Variants in DKK4 observed in about 807,000 individuals in gnomAD.
The protein encoded by DKK4 is dickkopf Wnt signaling pathway inhibitor 4.
In DKK4, 15 loss-of-function variants were observed where a neutral mutation model predicts 14.5. That is an observed-to-expected ratio of 1.03 (90% CI 0.69 to 1.59). DKK4 has a LOEUF of 1.59. DKK4 is among the 40% of genes most tolerant of loss of function. The pLI is 0.00. For synonymous variants in DKK4, 89 were observed against 105.2 expected, an observed-to-expected ratio of 0.85 and a Z score of 0.94; for missense variants, 272 against 280.3, an observed-to-expected ratio of 0.97 and a Z score of 0.21.
chr8:42,383,949 G>T, the DKK4 span, among the ~76,000 whole-genome samples: 1 of 151,940 alleles, frequency 6.6e-6, no homozygotes, highest in Non-Finnish European at 1.5e-5. Flanking sequence ...TCTCAAAAAA[G>T]AAAAAACAAT....
chr8:42,383,302 C>T, the DKK4 span, among the ~76,000 whole-genome samples: 1 of 152,226 alleles, frequency 6.6e-6, no homozygotes, highest in Admixed American at 6.5e-5. Context: ...TGGCTGGTGC[C>T]AGCCACTTTT....
upstream of DKK4, among the ~76,000 whole-genome samples, chr8:42,381,620 T>A (rs1824681464): frequency 6.6e-6 from 1 of 152,196 alleles, no homozygotes; most frequent in South Asian, 2.1e-4. Context: ...CTCCCCTGTC[T>A]GCCCTGATCT....
At chr8:42,381,360 CA>C (rs1824676267), upstream of DKK4, among the ~76,000 whole-genome samples, 1 of 152,168 alleles carries the variant, frequency 6.6e-6, no homozygotes, top group African/African-American at 2.4e-5. Flanking sequence ...CAACTGTTTG[CA>C]GGATATCTAC....
At chr8:42,384,100 G>T in the DKK4 span, among the ~76,000 whole-genome samples, 1 of 152,124 alleles carries the variant, frequency 6.6e-6, no homozygotes, top group South Asian at 2.1e-4. Flanking sequence ...AAAACATGGT[G>T]GGGGGAGGTC....
the DKK4 span, among the ~76,000 whole-genome samples, chr8:42,385,285 G>A: frequency 6.6e-6 from 1 of 152,042 alleles, no homozygotes. Context: ...CCAGCTACTC[G>A]GGAGGCTGAG....
At chr8:42,382,156 C>A (rs1824691020), upstream of DKK4, among the ~76,000 whole-genome samples, 2 of 152,198 alleles carry the variant, frequency 1.3e-5, no homozygotes, top group Non-Finnish European at 2.9e-5. Flanking sequence ...CTCCCTTAAT[C>A]TGAGGCCTCA....
chr8:42,376,130 GGTGA>G, intron 1 of DKK4, among the ~76,000 whole-genome samples: 1 of 152,302 alleles, frequency 6.6e-6, no homozygotes, highest in Middle Eastern at 3.4e-3. Flanking sequence ...TGTCTTAACA[GGTGA>G]GTATGAGATT....
chr8:42,382,288 T>A, the DKK4 span, among the ~76,000 whole-genome samples: 1 of 152,198 alleles, frequency 6.6e-6, no homozygotes, highest in East Asian at 1.9e-4. Flanking sequence ...CCAAGGCTGC[T>A]TGCCTGCACA....
chr8:42,379,205 G>A (rs914567479), upstream of DKK4, among the ~76,000 whole-genome samples: 20 of 148,028 alleles, frequency 1.4e-4, no homozygotes, highest in Admixed American at 9.5e-4. Flanking sequence ...GAGCCAACAC[G>A]GTGCCACTGC....
At chr8:42,388,214 CCTTTCTTTT>C in the DKK4 span, among the ~76,000 whole-genome samples, 1 of 152,126 alleles carries the variant, frequency 6.6e-6, no homozygotes, top group East Asian at 1.9e-4. Context: ...CTTTTAAACT[CCTTTCTTTT>C]CTTTCTTTTT....
At chr8:42,387,443 C>T in the DKK4 span, among the ~76,000 whole-genome samples, 3 of 148,858 alleles carry the variant, frequency 2.0e-5, no homozygotes, top group Non-Finnish European at 4.4e-5. Context: ...ATGCAATCAC[C>T]ACCTCCCGGG....
upstream of DKK4, among the ~76,000 whole-genome samples, chr8:42,379,370 TATATATATAG>T (rs1176156412): frequency 4.3e-4 from 22 of 50,932 alleles, no homozygotes; most frequent in South Asian, 7.3e-4. Context: ...TATATATATA[TATATATATAG>T]AGAGAGAGAG....
chr8:42,378,687 G>A (rs1178667777), upstream of DKK4, among the ~76,000 whole-genome samples: 1 of 152,002 alleles, frequency 6.6e-6, no homozygotes, highest in African/African-American at 2.4e-5. Flanking sequence ...GTTACCAAAG[G>A]CCCCTGGCAA....
chr8:42,376,994 C>T lies in DKK4; in HGVS notation c.52G>A (p.Ala18Thr), dbSNP rs1240257261. ...GLSWLCSPLG[A>T]LVLDFNNIRS... ...ATGTTGTTGAAGTCCAGGACCAGAG[C>T]TCCCAGGGGAGAGCAGAGCCAGCTC... Residue 18 changes from alanine (A) to threonine (T), a missense_variant, in exon 1 of 4, where the codon GCT becomes ACT. Transcript: ENST00000220812. 6.2e-7 allele frequency: 1 copy of T among 1,613,784 alleles called. No homozygotes were observed.
At chr8:42,387,151 G>C in the DKK4 span, among the ~76,000 whole-genome samples, 4 of 152,238 alleles carry the variant, frequency 2.6e-5, no homozygotes, top group African/African-American at 9.6e-5. Context: ...AAGGCATTGA[G>C]AGTCCCTTCC....
rs1824524120 is a variant in DKK4, at chr8:42,374,758, T to C, written c.415+3A>G. On this transcript the variant is annotated splice_donor_region_variant and intron_variant, in intron 3 of 3. Transcript: ENST00000220812. ...TAAAATATGCTGCGAATGCTGTTCT[T>C]ACCCTTCCTGCCTTGTGATTTCTTA... 2 of 1,614,216 alleles carry C rather than the reference T, an allele frequency of 1.2e-6. No homozygotes were observed. The highest frequency in any genetic ancestry group is 1.7e-6 in the Non-Finnish European group (2 of 1,180,038).
At chr8:42,379,372 TATATATAGAGAG>T (rs1225249891), upstream of DKK4, among the ~76,000 whole-genome samples, 20 of 50,608 alleles carry the variant, frequency 4.0e-4, no homozygotes, top group Admixed American at 2.0e-3. Context: ...TATATATATA[TATATATAGAGAG>T]AGAGAGAGAG....
chr8:42,388,148 A>G, the DKK4 span, among the ~76,000 whole-genome samples: 1 of 152,310 alleles, frequency 6.6e-6, no homozygotes, highest in African/African-American at 2.4e-5. Context: ...GATAGTCTGA[A>G]GTTGTGGCTC....
upstream of DKK4, among the ~76,000 whole-genome samples, chr8:42,379,815 A>C (rs1283213116): frequency 3.3e-5 from 5 of 152,116 alleles, no homozygotes; most frequent in East Asian, 5.8e-4. Context: ...TGATGGAAGG[A>C]TGAGATGAAG....
Sources: allele counts gnomAD v4.1 joint callset (sites outside exome capture counted in the v4.1 genomes callset), GRCh38; gene constraint gnomAD v4.1.1; transcripts MANE v1.5; gene names NCBI Gene and HGNC (gene_info 2026-07-23, HGNC 2026-07-21).